The following ADGRL2 variants were observed in gnomAD, a reference collection of about 807,000 sequenced individuals.
ADGRL2 encodes adhesion G protein-coupled receptor L2, also known as calcium-independent alpha-latrotoxin receptor 2.
ADGRL2 carries 44 observed loss-of-function variants against 157.4 expected under a neutral mutation model. That is an observed-to-expected ratio of 0.28 (90% CI 0.22 to 0.36). The LOEUF (loss-of-function observed/expected upper bound fraction) is 0.36, where lower values mean the gene tolerates loss of function less well. ADGRL2 is among the 10% of genes least tolerant of loss of function. The probability of loss-of-function intolerance (pLI) is 1.00; values close to 1 mark genes in which losing one functional copy is unlikely to be tolerated. For missense variants in ADGRL2, 1,510 were observed against 1,768.9 expected (o/e 0.85, Z 2.63); for synonymous variants, 585 against 624.7 (o/e 0.94, Z 0.95).
At chr1:81,781,272 A>T (rs561709604) in intron 2 of ADGRL2, among the ~76,000 whole-genome samples, 11 of 151,932 alleles carry the variant, frequency 7.2e-5, no homozygotes, top group Middle Eastern at 6.8e-3. Flanking sequence ...TCCCATCTCT[A>T]CTCTTAAGAC....
At chr1:81,430,961 C>T (rs1184135483) in intron 1 of ADGRL2, among the ~76,000 whole-genome samples, 4 of 152,186 alleles carry the variant, frequency 2.6e-5, no homozygotes, top group African/African-American at 4.8e-5. Flanking sequence ...AATTCACATT[C>T]TATATGTTTG....
rs550741417 is a variant in ADGRL2, at chr1:81,475,044, A to G, written c.-248+29955A>G. 1.1e-4 allele frequency among the ~76,000 whole-genome samples: 17 copies of G among 152,278 alleles called. No homozygotes were observed. The East Asian group carries it at 1.9e-3, about 17-fold the overall frequency. On this transcript the variant is annotated intron_variant, in intron 2 of 24. Coordinates refer to the ADGRL2 transcript ENST00000370721. Reference sequence around the variant, plus strand: ...CCTAAAAGCAGTCAGAGTCATCACAATTCGTTCCTTAGGCCCCCCAAGTCT... The same window carrying G: ...CCTAAAAGCAGTCAGAGTCATCACAGTTCGTTCCTTAGGCCCCCCAAGTCT...
At chr1:81,866,384 T>C (rs1406618497) in intron 2 of ADGRL2, among the ~76,000 whole-genome samples, 1 of 152,184 alleles carries the variant, frequency 6.6e-6, no homozygotes, top group South Asian at 2.1e-4. Flanking sequence ...ATAAACTCTA[T>C]GTATAAAGGA....
chr1:81,890,490 C>A (rs563723019), intron 2 of ADGRL2, among the ~76,000 whole-genome samples: 2 of 152,052 alleles, frequency 1.3e-5, no homozygotes, highest in South Asian at 4.1e-4. Flanking sequence ...AAGTGCCAGC[C>A]GTGGGAGATA....
At chr1:81,623,025 A>G (rs1446069648) in intron 3 of ADGRL2, among the ~76,000 whole-genome samples, 1 of 152,214 alleles carries the variant, frequency 6.6e-6, no homozygotes, top group Non-Finnish European at 1.5e-5. Flanking sequence ...TTCAATTTTA[A>G]TGAATATCAC....
chr1:81,538,717 A>G (rs2079805912), intron 2 of ADGRL2, among the ~76,000 whole-genome samples: 1 of 152,136 alleles, frequency 6.6e-6, no homozygotes, highest in South Asian at 2.1e-4. Flanking sequence ...ATAAGACTAC[A>G]TAAAGGGCTG....
intron 1 of ADGRL2, chr1:81,427,344 G>A: frequency 6.8e-6 from 5 of 730,040 alleles, no homozygotes; most frequent in Non-Finnish European, 1.3e-5. Flanking sequence ...AGTAGAGGGG[G>A]CTATGGTGGT....
chr1:81,594,902 A>G (rs1557491193), intron 3 of ADGRL2, among the ~76,000 whole-genome samples: 1 of 152,258 alleles, frequency 6.6e-6, no homozygotes, highest in Non-Finnish European at 1.5e-5. Flanking sequence ...ATAAGTCACA[A>G]CTAGTGTAAA....
chr1:81,533,170 G>A (rs992351231), intron 2 of ADGRL2, among the ~76,000 whole-genome samples: 22 of 152,132 alleles, frequency 1.4e-4, no homozygotes, highest in Admixed American at 2.0e-4. Flanking sequence ...CCTGAGGTCA[G>A]GAGTTCAAGA....
intron 3 of ADGRL2, among the ~76,000 whole-genome samples, chr1:81,643,885 T>C (rs2082267211): frequency 6.6e-6 from 1 of 152,200 alleles, no homozygotes; most frequent in Admixed American, 6.5e-5. Flanking sequence ...GCAAATTATT[T>C]TGTGGATATC....
intron 1 of ADGRL2, among the ~76,000 whole-genome samples, chr1:81,432,295 A>G (rs570163511): frequency 7.9e-5 from 12 of 152,358 alleles, no homozygotes; most frequent in African/African-American, 1.2e-4. Flanking sequence ...GCTTACACAT[A>G]GGGCCAACAG....
At position 81,992,814 on chromosome 1, in the gene ADGRL2, C is replaced by T. The variant is rs1016087087; in HGVS notation, c.*1669C>T. Among the ~76,000 whole-genome samples, 1 of 151,426 alleles carries T rather than the reference C, an allele frequency of 6.6e-6. No homozygotes were observed. Among genetic ancestry groups the T allele is most frequent in the East Asian group, 1.9e-4 (1 of 5,164 alleles). On this transcript the variant is annotated 3_prime_UTR_variant, in exon 24 of 24. Transcript: ENST00000686636. Reference sequence around the variant, plus strand: ...ATATCCCTATAGACAGCTGTGAATACCAATATACATTACCCTGGAAAAGTT... The same window carrying T: ...ATATCCCTATAGACAGCTGTGAATATCAATATACATTACCCTGGAAAAGTT...
intron 2 of ADGRL2, among the ~76,000 whole-genome samples, chr1:81,902,718 C>G (rs181989189): frequency 6.6e-6 from 1 of 152,314 alleles, no homozygotes; most frequent in East Asian, 1.9e-4. Context: ...TGAGGCATGT[C>G]TGACCACCCA....
chr1:81,565,963 G>A (rs1396786308), intron 2 of ADGRL2, among the ~76,000 whole-genome samples: 1 of 152,106 alleles, frequency 6.6e-6, no homozygotes, highest in African/African-American at 2.4e-5. Context: ...AATAGATTTG[G>A]GACTGGAATA....
chr1:81,721,109 C>G (rs78967498), intron 1 of ADGRL2, among the ~76,000 whole-genome samples: 1 of 149,578 alleles, frequency 6.7e-6, no homozygotes, highest in Non-Finnish European at 1.5e-5. Context: ...TAGACACAAG[C>G]GATCCTCCTG....
chr1:81,830,228 T>A (rs1384223225), intron 1 of ADGRL2, among the ~76,000 whole-genome samples: 5 of 152,246 alleles, frequency 3.3e-5, no homozygotes, highest in South Asian at 2.1e-4. Context: ...GTAAAAAAAA[T>A]TAATGAATAA....
chr1:81,985,224 C>A, intron 20 of ADGRL2, 35 bp from the exon 21 acceptor site: 2 of 1,284,412 alleles, frequency 1.6e-6, no homozygotes, highest in Non-Finnish European at 2.2e-6. Flanking sequence ...GGGAAACTAA[C>A]AAAACATATT....
chr1:81,640,899 A>G (rs983812046), intron 3 of ADGRL2, among the ~76,000 whole-genome samples: 20 of 152,178 alleles, frequency 1.3e-4, no homozygotes, highest in African/African-American at 4.8e-4. Flanking sequence ...TCCTTACAAA[A>G]AAACAGTAGC....
At chr1:81,553,809 T>C (rs2080208632) in intron 2 of ADGRL2, among the ~76,000 whole-genome samples, 1 of 152,194 alleles carries the variant, frequency 6.6e-6, no homozygotes, top group South Asian at 2.1e-4. Flanking sequence ...TTGCTCATAA[T>C]GGAGAAACGC....
Sources: allele counts gnomAD v4.1 joint callset (sites outside exome capture counted in the v4.1 genomes callset), GRCh38; gene constraint gnomAD v4.1.1; transcripts MANE v1.5; gene names NCBI Gene and HGNC (gene_info 2026-07-23, HGNC 2026-07-21).